PDGFRB: variants seen among roughly 807,000 people sequenced by gnomAD.
PDGFRB encodes the protein platelet derived growth factor receptor beta.
PDGFRB carries 42 observed loss-of-function variants against 120.2 expected under a neutral mutation model. The ratio of observed to expected loss-of-function variants is 0.35; its 90% CI spans 0.27 to 0.45. The LOEUF (loss-of-function observed/expected upper bound fraction) is 0.45. Among genes scored for constraint, PDGFRB ranks in the 20% least tolerant of loss-of-function variants. The pLI, the probability that PDGFRB is intolerant of heterozygous loss-of-function variation, is 1.00. For synonymous variants in PDGFRB, 586 were observed against 606.8 expected (o/e 0.97, Z 0.50); for missense variants, 1,149 against 1,476.3 (o/e 0.78, Z 3.63).
In PDGFRB at chr5:150,124,796, C is replaced by T; in HGVS notation, c.1843G>A (p.Val615Met). 6.2e-7 allele frequency: 1 copy of T among 1,609,114 alleles called. No individual in the cohort carries two copies. Among genetic ancestry groups the T allele is most frequent in the Non-Finnish European group, 8.5e-7 (1 of 1,176,966 alleles). ...CTCAGGCCATGAGCCGTGGCCTCCA[C>T]CACCTGCCCAAAGGCCCCAGAGCCG... ...TLGSGAFGQV[V>M]EATAHGLSHS... The change falls in exon 13 of 23, where the codon GTG becomes ATG. Residue 615 changes from valine to methionine, a missense_variant. By Grantham distance (21) the Val-to-Met change is conservative. Coordinates refer to ENST00000261799, the MANE Select transcript of PDGFRB (RefSeq NM_002609.4).
chr5:150,127,690 T>C lies in PDGFRB; in HGVS notation c.1580-1076A>G, dbSNP rs1280591681. Among the ~76,000 whole-genome samples, 4 of 151,638 alleles carry C rather than the reference T, an allele frequency of 2.6e-5. No individual in the cohort carries two copies. The East Asian group carries it at 7.7e-4, about 29-fold the overall frequency. ...TTCTACTAAAAATACAAAAAATAGC[T>C]GGGCGTGGTGGTGGACTGCTGTCAT... On this transcript the variant is annotated intron_variant, in intron 10 of 22. Transcript: ENST00000261799.
chr5:150,116,798 G>A (rs1362116585), intron 22 of PDGFRB, among the ~76,000 whole-genome samples: 5 of 152,144 alleles, frequency 3.3e-5, no homozygotes, highest in African/African-American at 4.8e-5. Flanking sequence ...CTCTTCAACA[G>A]TTAGAGCAAT....
chr5:150,135,776 C>T lies in PDGFRB; in HGVS notation c.143G>A (p.Ser48Asn), dbSNP rs2113912651. 2 of 1,611,048 alleles carry T rather than the reference C, an allele frequency of 1.2e-6. No homozygotes were observed. Among genetic ancestry groups the T allele is most frequent in the South Asian group, 2.2e-5 (2 of 90,582 alleles). ...PGPELVLNVS[S>N]TFVLTCSGSA... is the part of the protein sequence containing the mutation. ...ACCCGAGCAGGTCAGAACGAAGGTG[C>T]TGGAGACATTGAGGACAAGCTCTGG... Residue 48 changes from serine to asparagine, a missense_variant, in exon 3 of 23, where the codon AGC becomes AAC. Around this residue, in one of 3 missense-constraint regions of PDGFRB, gnomAD observed 879 missense variants for 1,108.6 expected, o/e 0.79. Transcript: ENST00000261799.
chr5:150,141,144 C>T (rs1580815756), intron 1 of PDGFRB, among the ~76,000 whole-genome samples: 2 of 152,362 alleles, frequency 1.3e-5, no homozygotes, highest in South Asian at 4.1e-4. Flanking sequence ...GCCAAGCCCT[C>T]ATGCAGGTAC....
chr5:150,133,090 A>T, intron 6 of PDGFRB, 148 bp from the exon 7 acceptor site: 1 of 639,892 alleles, frequency 1.6e-6, no homozygotes, highest in Non-Finnish European at 2.7e-6. Context: ...TGGGCTGGGG[A>T]CAGGGCCTGG....
chr5:150,117,546 A>ACGCACG lies in PDGFRB; in HGVS notation c.3137+71_3137+72insCGTGCG, dbSNP rs10638773. ...CCTGGCAGCGCGCGCGCGCGCGCGCACACACACACACACACACACACACAC... is the reference window on the plus strand; with the variant it reads ...CCTGGCAGCGCGCGCGCGCGCGCGCACGCACGCACACACACACACACACACACACAC... On this transcript the variant is annotated intron_variant, in intron 22 of 22. Transcript: ENST00000261799. 1.9e-5 allele frequency: 8 copies of ACGCACG among 420,458 alleles called. No individual in the cohort carries two copies. In the South Asian group the frequency reaches 2.7e-4, roughly 14 times the overall value. 26.0% of individuals were successfully genotyped at this position (420,458 alleles called of 1,614,324 possible).
intron 11 of PDGFRB, 127 bp from the exon 12 acceptor site, chr5:150,125,704 G>C: frequency 3.7e-6 from 3 of 815,008 alleles, no homozygotes; most frequent in Non-Finnish European, 5.7e-6. Context: ...GGGCATATTT[G>C]AAGTCACACA....
intron 1 of PDGFRB, among the ~76,000 whole-genome samples, chr5:150,150,396 C>T (rs964296740): frequency 8.5e-5 from 13 of 152,172 alleles, no homozygotes; most frequent in Non-Finnish European, 1.3e-4. Flanking sequence ...ACTTTCAGAC[C>T]CCCTGACCCT....
rs913288228 is a variant in PDGFRB at position 150,155,542 on chromosome 5, G to A, written c.-152C>T. On this transcript the variant is annotated 5_prime_UTR_variant, in exon 1 of 23. Coordinates refer to ENST00000261799, the MANE Select transcript of PDGFRB (RefSeq NM_002609.4). Reference sequence around the variant, plus strand: ...TAACAGCTGAGTAGAAGGACAGGCAGGACTGGTGCAGGCTCCTGAAGGCTC... The same window carrying A: ...TAACAGCTGAGTAGAAGGACAGGCAAGACTGGTGCAGGCTCCTGAAGGCTC... The A allele has an allele frequency of 2.5e-6, 1 of 398,746 alleles. No individual in the cohort carries two copies. The allele number at this position is 398,746 out of a possible 1,614,324, so 24.7% of individuals were successfully genotyped here.
rs1018494271 is a variant in PDGFRB at position 150,123,092 on chromosome 5, G to A, written c.2133C>T (p.Pro711=). The A allele has an allele frequency of 1.2e-6, 2 of 1,613,904 alleles. No individual in the cohort carries two copies. Among genetic ancestry groups the A allele is most frequent in the Admixed American group, 1.7e-5 (1 of 60,034 alleles). ...GAGCATTGCTGTAGAGCTCCGCGCT[G>A]GGCGGGCGGCGCTTGTCGGAGTGGT... ...LQHHSDKRRP[P]SAELYSNALP... The change falls in exon 15 of 23, where the codon CCC becomes CCT. Residue 711 remains proline, a synonymous_variant. Transcript: ENST00000261799.
rs781347476 is a variant in PDGFRB, at chr5:150,133,656, G to T, written c.864C>A (p.Thr288=). The T allele has an allele frequency of 2.6e-5, 42 of 1,613,922 alleles. No homozygotes were observed. The highest frequency in any genetic ancestry group is 3.0e-5 in the Non-Finnish European group (35 of 1,179,894). Residue 288 remains threonine (T), a synonymous_variant, in exon 6 of 23, where the codon ACC becomes ACA. Coordinates refer to ENST00000261799, the MANE Select transcript of PDGFRB (RefSeq NM_002609.4). ...IPSAELEDSG[T]YTCNVTESVN... The stretch of plus-strand genomic sequence containing the variant: ...CACTCTCCGTCACATTGCAGGTGTA[G>T]GTCCCCGAGTCTTCTAACTCGGCAC...
intron 9 of PDGFRB, 135 bp from the exon 10 acceptor site, chr5:150,130,103 C>T (rs1760419934): frequency 2.8e-6 from 2 of 710,412 alleles, no homozygotes; most frequent in South Asian, 1.7e-5. Context: ...CGGGCTCCTC[C>T]TGTGCTCCCT....
chr5:150,140,993 G>A (rs1760769070), intron 1 of PDGFRB, among the ~76,000 whole-genome samples: 1 of 152,212 alleles, frequency 6.6e-6, no homozygotes, highest in African/African-American at 2.4e-5. Context: ...CAGGGAGGGG[G>A]CCCTGCATTG....
Position 150,124,783 on chromosome 5 carries a change from G to GCCA in PDGFRB, c.1855_1856insTGG (p.Thr618_Ala619insVal). ...GGCCTGAGAATGGCTCAGGCCATGA[G>GCCA]CCGTGGCCTCCACCACCTGCCCAAA... On this transcript the variant is annotated inframe_insertion, in exon 13 of 23. Transcript: ENST00000261799. The GCCA allele has an allele frequency of 6.2e-7, 1 of 1,609,624 alleles. No homozygotes were observed. The highest frequency in any genetic ancestry group is 8.5e-7 in the Non-Finnish European group (1 of 1,176,938).
chr5:150,129,506 T>C (rs1760391203), intron 10 of PDGFRB, among the ~76,000 whole-genome samples: 1 of 152,232 alleles, frequency 6.6e-6, no homozygotes, highest in Admixed American at 6.5e-5. Context: ...ATACATATAG[T>C]ATATGTACAC....
Position 150,119,417 on chromosome 5 carries a change from TC to T in PDGFRB, c.2798+49del, listed in dbSNP as rs765607625. On this transcript the variant is annotated intron_variant, in intron 20 of 22. Coordinates refer to ENST00000261799, the MANE Select transcript of PDGFRB (RefSeq NM_002609.4). ...TGGTTTAAGCCAGTAGAGTTGGATA[TC>T]TATTGTTTGCAGCACAAAATCCTCC... 57 of 1,011,174 alleles carry T rather than the reference TC, an allele frequency of 5.6e-5. 2 individuals are homozygous for T. The East Asian group carries it at 9.8e-4, about 17-fold the overall frequency. 62.6% of individuals were successfully genotyped at this position (1,011,174 alleles called of 1,614,324 possible). A position where few individuals can be genotyped will look rare whatever the true frequency, so the allele number is the denominator to read the frequency against.
intron 1 of PDGFRB, among the ~76,000 whole-genome samples, chr5:150,149,839 T>A (rs188579573): frequency 5.2e-4 from 79 of 152,186 alleles, no homozygotes; most frequent in African/African-American, 1.9e-3. Flanking sequence ...GTGGTGTCAC[T>A]GCCCTTGGGT....
rs750248892 is a variant in PDGFRB at position 150,129,950 on chromosome 5, C to A, written c.1386G>T (p.Pro462=). 6.2e-7 allele frequency: 1 copy of A among 1,613,810 alleles called. No individual in the cohort carries two copies. Among genetic ancestry groups the A allele is most frequent in the Non-Finnish European group, 8.5e-7 (1 of 1,179,984 alleles). Residue 462 remains proline (P), a synonymous_variant, in exon 10 of 23, where the codon CCG becomes CCT. Coordinates refer to ENST00000261799, the MANE Select transcript of PDGFRB (RefSeq NM_002609.4). Reference sequence around the variant, plus strand: ...CGGAACTGTTCCCCAGCAGCGTGGGCGGCAGCTCACGTGGACACCTGCCAG... The same window carrying A: ...CGGAACTGTTCCCCAGCAGCGTGGGAGGCAGCTCACGTGGACACCTGCCAG... The part of the protein sequence containing the change: ...RDLKRCPREL[P]PTLLGNSSEE...
Position 150,120,538 on chromosome 5 carries a change from C to T in PDGFRB, c.2586+350G>A, listed in dbSNP as rs2113888276. Among the ~76,000 whole-genome samples, 1 of 152,274 alleles carries T rather than the reference C, an allele frequency of 6.6e-6. No homozygotes were observed. Among genetic ancestry groups the T allele is most frequent in the African/African-American group, 2.4e-5 (1 of 41,526 alleles). ...TGATCACGTTTTAACCAGACCAATC[C>T]CTGCTACTGCATGTGACCTGCTCAT... On this transcript the variant is annotated intron_variant, in intron 18 of 22. Coordinates refer to ENST00000261799, the MANE Select transcript of PDGFRB (RefSeq NM_002609.4). The surrounding 1 kb of genome is among the most constrained non-coding windows in gnomAD (Gnocchi z 4.3).
Sources: allele counts gnomAD v4.1 joint callset (sites outside exome capture counted in the v4.1 genomes callset), GRCh38; gene constraint gnomAD v4.1.1; regional missense constraint gnomAD v4.1.1; non-coding constraint Gnocchi (gnomAD v3.1); transcripts MANE v1.5; gene names NCBI Gene and HGNC (gene_info 2026-07-23, HGNC 2026-07-21).